Variants in TNFRSF21 observed in about 807,000 individuals in gnomAD.
TNFRSF21 encodes TNF receptor superfamily member 21.
A neutral mutation model predicts 45.6 loss-of-function variants in TNFRSF21; 19 were observed. That is an observed-to-expected ratio of 0.42 (90% CI 0.29 to 0.61). TNFRSF21 has a LOEUF of 0.61. TNFRSF21 is among the 20% of genes least tolerant of loss of function. TNFRSF21 has a pLI of 0.23. For missense variants in TNFRSF21, 737 were observed against 851.5 expected (o/e 0.87, Z 1.67); for synonymous variants, 314 against 335.5 (o/e 0.94, Z 0.70).
chr6:47,297,826 A>G (rs977396480), intron 1 of TNFRSF21, among the ~76,000 whole-genome samples: 106 of 152,160 alleles, frequency 7.0e-4, no homozygotes, highest in Non-Finnish European at 1.5e-3. Context: ...CCTGGCCAAG[A>G]CAATCTTTTA....
chr6:47,266,489 G>A lies in TNFRSF21; in HGVS notation c.1244-12968C>T, dbSNP rs567046471. Among the ~76,000 whole-genome samples the A allele has an allele frequency of 4.6e-5, 7 of 152,244 alleles. No homozygotes were observed. In the South Asian group the frequency reaches 1.5e-3, roughly 32 times the overall value. On this transcript the variant is annotated intron_variant, in intron 3 of 5. Coordinates refer to ENST00000296861, the MANE Select transcript of TNFRSF21 (RefSeq NM_014452.5). ...GAAGAAATAAAAAATGTTATCACCA[G>A]AAACTCAAGTCCTAAAATATAACTT...
intron 4 of TNFRSF21, among the ~76,000 whole-genome samples, chr6:47,251,708 T>G (rs2295269): frequency 0.07 from 10,585 of 152,232 alleles, 491 homozygotes; most frequent in African/African-American, 0.14. Flanking sequence ...AAAGCCAGTC[T>G]CTAAGAATGC....
chr6:47,238,415 T>C (rs1321616896), intron 4 of TNFRSF21, among the ~76,000 whole-genome samples: 7 of 152,244 alleles, frequency 4.6e-5, no homozygotes, highest in Non-Finnish European at 1.0e-4. Context: ...CCTACTGCCA[T>C]GACATAATCC....
chr6:47,270,140 C>G (rs1762394066), intron 3 of TNFRSF21, among the ~76,000 whole-genome samples: 1 of 152,186 alleles, frequency 6.6e-6, no homozygotes, highest in South Asian at 2.1e-4. Flanking sequence ...AGCAGTGGTT[C>G]TCCCAGCATG....
intron 1 of TNFRSF21, among the ~76,000 whole-genome samples, chr6:47,296,000 C>T (rs768755483): frequency 4.6e-5 from 7 of 152,162 alleles, no homozygotes; most frequent in Non-Finnish European, 8.8e-5. Context: ...AATGCAGGAG[C>T]GTGTACACTC....
At position 47,241,242 on chromosome 6, in the gene TNFRSF21, G is replaced by C. The variant is rs1764739045; in HGVS notation, c.1510-6344C>G. Reference sequence around the variant, plus strand: ...TATAAATAAGGGTTCATATAATGAGGTTACCAGCCTCATCACAAAACAATT... The same window carrying C: ...TATAAATAAGGGTTCATATAATGAGCTTACCAGCCTCATCACAAAACAATT... On this transcript the variant is annotated intron_variant, in intron 4 of 5. Coordinates refer to ENST00000296861, the MANE Select transcript of TNFRSF21 (RefSeq NM_014452.5). Among the ~76,000 whole-genome samples, 7 of 152,028 alleles carry C rather than the reference G, an allele frequency of 4.6e-5. No individual in the cohort carries two copies. The South Asian group carries it at 1.5e-3, about 32-fold the overall frequency.
At chr6:47,239,587 A>C (rs558746923) in intron 4 of TNFRSF21, among the ~76,000 whole-genome samples, 1 of 152,324 alleles carries the variant, frequency 6.6e-6, no homozygotes, top group Non-Finnish European at 1.5e-5. Flanking sequence ...TCCAGCCTCA[A>C]CTGCCATCTG....
At chr6:47,255,366 A>C (rs1424902349) in intron 3 of TNFRSF21, among the ~76,000 whole-genome samples, 2 of 152,106 alleles carry the variant, frequency 1.3e-5, no homozygotes, top group African/African-American at 4.8e-5. Context: ...GCCAGGATTT[A>C]CATGTGGGAT....
chr6:47,242,382 T>C lies in TNFRSF21; in HGVS notation c.1510-7484A>G, dbSNP rs2113845118. On this transcript the variant is annotated intron_variant, in intron 4 of 5. Transcript: ENST00000296861. The stretch of plus-strand genomic sequence containing the variant: ...ATACCCCAAACTCAAATCAAGGTAG[T>C]TGGCTATAATTTTCTGTATATACCT... Among the ~76,000 whole-genome samples the C allele has an allele frequency of 3.3e-5, 5 of 152,332 alleles. No homozygotes were observed. In the South Asian group the frequency reaches 1.0e-3, roughly 32 times the overall value.
At position 47,232,755 on chromosome 6, in the gene TNFRSF21, T is replaced by A; in HGVS notation, c.*10A>T. 6.2e-7 allele frequency: 1 copy of A among 1,610,564 alleles called. No homozygotes were observed. Among genetic ancestry groups the A allele is most frequent in the South Asian group, 1.1e-5 (1 of 90,884 alleles). On this transcript the variant is annotated 3_prime_UTR_variant, in exon 6 of 6. Coordinates refer to ENST00000296861, the MANE Select transcript of TNFRSF21 (RefSeq NM_014452.5). ...ATTGAGTAATTTCCAGAATGCAGTA[T>A]CCCTATGTTCTACAGCAGGTCAGGA...
At chr6:47,256,398 C>T (rs890101526) in intron 3 of TNFRSF21, among the ~76,000 whole-genome samples, 1 of 152,122 alleles carries the variant, frequency 6.6e-6, no homozygotes, top group African/African-American at 2.4e-5. Context: ...GTGGCATAGG[C>T]CTATATTCCC....
At chr6:47,238,722 A>C (rs1326189450) in intron 4 of TNFRSF21, among the ~76,000 whole-genome samples, 2 of 152,156 alleles carry the variant, frequency 1.3e-5, no homozygotes, top group African/African-American at 4.8e-5. Context: ...CTTTCCGAGC[A>C]CCTCTACCAC....
rs1484726835 is a variant in TNFRSF21 at position 47,232,384 on chromosome 6, G to C, written c.*381C>G. 5.6e-6 allele frequency: 1 copy of C among 178,936 alleles called. No homozygotes were observed. The highest frequency in any genetic ancestry group is 1.2e-5 in the Non-Finnish European group (1 of 84,578). 11.1% of individuals were successfully genotyped at this position (178,936 alleles called of 1,614,324 possible). The stretch of plus-strand genomic sequence containing the variant: ...TAAGAGCCTCACAATCCAGTGTGTG[G>C]GAAAAGTCACACTGCATTTATGGTA... On this transcript the variant is annotated 3_prime_UTR_variant, in exon 6 of 6. Coordinates refer to ENST00000296861, the MANE Select transcript of TNFRSF21 (RefSeq NM_014452.5).
rs202066435 is a variant in TNFRSF21 at position 47,286,618 on chromosome 6, G to A, written c.97-23C>T. 224 of 1,573,798 alleles carry A rather than the reference G, an allele frequency of 1.4e-4. 1 individual carries two copies. In the East Asian group the frequency reaches 4.1e-3, roughly 29 times the overall value. On this transcript the variant is annotated intron_variant, in intron 1 of 5. Coordinates refer to ENST00000296861, the MANE Select transcript of TNFRSF21 (RefSeq NM_014452.5). ...AAGCTGAAAGAAACAGAAGGGGAGG[G>A]AAAGGAACAAAAACCAAGAAGATGT...
In TNFRSF21 at chr6:47,244,122, C is replaced by G. The variant is rs182015420; in HGVS notation, c.1509+9134G>C. On this transcript the variant is annotated intron_variant, in intron 4 of 5. Transcript: ENST00000296861. ...GGATCACAAGGTCAGGAGATAGAGA[C>G]CATCCTGGCTAACACGGTGAAACCC... 5.3e-5 allele frequency among the ~76,000 whole-genome samples: 8 copies of G among 152,190 alleles called. No individual in the cohort carries two copies. In the East Asian group the frequency reaches 1.4e-3, roughly 26 times the overall value.
chr6:47,253,234 C>T, intron 4 of TNFRSF21, 22 bp downstream of exon 4: 1 of 1,607,110 alleles, frequency 6.2e-7, no homozygotes, highest in Non-Finnish European at 8.5e-7. Context: ...GTGGTAATGA[C>T]ACACAACAAG....
chr6:47,236,987 G>A (rs994115427), intron 4 of TNFRSF21, among the ~76,000 whole-genome samples: 2 of 151,756 alleles, frequency 1.3e-5, no homozygotes, highest in Admixed American at 1.3e-4. Flanking sequence ...TTCCCCCCCC[G>A]ATTTCACCAA....
At chr6:47,242,426 A>G (rs1429419698) in intron 4 of TNFRSF21, among the ~76,000 whole-genome samples, 2 of 152,126 alleles carry the variant, frequency 1.3e-5, no homozygotes, top group African/African-American at 4.8e-5. Flanking sequence ...AATTCTCATC[A>G]TTTCTAAGAG....
intron 3 of TNFRSF21, among the ~76,000 whole-genome samples, chr6:47,262,408 C>T (rs1185781920): frequency 6.6e-6 from 1 of 152,216 alleles, no homozygotes; most frequent in Non-Finnish European, 1.5e-5. Context: ...CAAAAATTTA[C>T]TGAGCGTCTA....
Sources: gnomAD v4.1 joint callset for allele counts (sites outside exome capture counted in the v4.1 genomes callset) on GRCh38, gnomAD v4.1.1 for gene constraint, MANE v1.5 for transcripts, NCBI Gene and HGNC (gene_info 2026-07-23, HGNC 2026-07-21) for gene names.